The following PTPRD variants were observed in gnomAD, a reference collection of about 807,000 sequenced individuals.
The protein encoded by PTPRD is receptor-type tyrosine-protein phosphatase delta.
A neutral mutation model predicts 214.5 loss-of-function variants in PTPRD; 34 were observed. That is an observed-to-expected ratio of 0.16 (90% confidence interval 0.12 to 0.21). The LOEUF (loss-of-function observed/expected upper bound fraction) is 0.21, where lower values mean the gene tolerates loss of function less well. PTPRD is among the 10% of genes least tolerant of loss of function. The probability of loss-of-function intolerance (pLI) is 1.00; values close to 1 mark genes in which losing one functional copy is unlikely to be tolerated. For synonymous variants in PTPRD, 1,128 were observed against 845.7 expected, an observed-to-expected ratio of 1.33 and a Z score of -5.79; for missense variants, 2,545 against 2,398.7, an observed-to-expected ratio of 1.06 and a Z score of -1.27.
chr9:8,580,186 A>C (rs2092922838), intron 14 of PTPRD, among the ~76,000 whole-genome samples: 1 of 152,256 alleles, frequency 6.6e-6, no homozygotes, highest in Non-Finnish European at 1.5e-5. Flanking sequence ...GACATGTGAA[A>C]AAAGACTAGT....
chr9:9,954,841 T>C (rs1159746076), intron 4 of PTPRD, among the ~76,000 whole-genome samples: 1 of 152,136 alleles, frequency 6.6e-6, no homozygotes, highest in Non-Finnish European at 1.5e-5. Context: ...AATGGCTATA[T>C]TGATTAGCTA....
chr9:9,655,679 A>G (rs915771342), intron 7 of PTPRD, among the ~76,000 whole-genome samples: 1 of 152,072 alleles, frequency 6.6e-6, no homozygotes, highest in African/African-American at 2.4e-5. Context: ...ACATCTCACC[A>G]TAAAATAAAT....
At chr9:9,895,930 A>C (rs2074840696) in intron 5 of PTPRD, among the ~76,000 whole-genome samples, 1 of 151,916 alleles carries the variant, frequency 6.6e-6, no homozygotes, top group African/African-American at 2.4e-5. Flanking sequence ...GTCTTTCTTG[A>C]GGTTATATGG....
At chr9:10,196,359 T>C (rs1361038127) in intron 3 of PTPRD, among the ~76,000 whole-genome samples, 1 of 152,096 alleles carries the variant, frequency 6.6e-6, no homozygotes, top group Non-Finnish European at 1.5e-5. Context: ...TGTCAATATA[T>C]GTAAAGTGCT....
At chr9:10,596,788 G>C (rs1352402975) in intron 2 of PTPRD, among the ~76,000 whole-genome samples, 2 of 151,434 alleles carry the variant, frequency 1.3e-5, no homozygotes, top group Non-Finnish European at 3.0e-5. Flanking sequence ...TAAATTCTAA[G>C]GTACTAGCTT....
At chr9:10,188,963 C>T (rs980894538) in intron 3 of PTPRD, among the ~76,000 whole-genome samples, 1 of 152,126 alleles carries the variant, frequency 6.6e-6, no homozygotes, top group East Asian at 1.9e-4. Context: ...CATTTGAAGG[C>T]TCAACTGTGG....
intron 9 of PTPRD, among the ~76,000 whole-genome samples, chr9:9,329,796 T>G (rs1313681866): frequency 6.6e-6 from 1 of 152,236 alleles, no homozygotes; most frequent in East Asian, 1.9e-4. Context: ...AAACTTGCAT[T>G]AATGCAAATG....
In PTPRD at chr9:9,127,272, G is replaced by A. The variant is rs754268383; in HGVS notation, c.-143+56032C>T. Among the ~76,000 whole-genome samples, 50 of 152,262 alleles carry A rather than the reference G, an allele frequency of 3.3e-4. 1 individual carries two copies. Among genetic ancestry groups the A allele is most frequent in the Non-Finnish European group, 7.2e-4 (49 of 68,012 alleles). On this transcript the variant is annotated intron_variant, in intron 10 of 45. Transcript: ENST00000381196. Reference sequence around the variant, plus strand: ...TCCACATAGACAGTGACCCAGCTGGGAATTGATTGCTTTTCTCATCAATGT... The same window carrying A: ...TCCACATAGACAGTGACCCAGCTGGAAATTGATTGCTTTTCTCATCAATGT...
chr9:10,543,571 T>C (rs1452623292), intron 2 of PTPRD, among the ~76,000 whole-genome samples: 1 of 152,082 alleles, frequency 6.6e-6, no homozygotes, highest in Non-Finnish European at 1.5e-5. Context: ...TGACCACAGA[T>C]GTGTTCCTGA....
intron 38 of PTPRD, 79 bp downstream of exon 38, chr9:8,376,528 A>G: frequency 6.3e-7 from 1 of 1,584,082 alleles, no homozygotes; most frequent in Non-Finnish European, 8.6e-7. Context: ...GTAAAGCCTT[A>G]AGAGATTTCA....
chr9:9,263,863 T>C (rs2099981229), intron 9 of PTPRD, among the ~76,000 whole-genome samples: 1 of 151,610 alleles, frequency 6.6e-6, no homozygotes, highest in Non-Finnish European at 1.5e-5. Context: ...ATGCTCAGTG[T>C]CTGGGTGCAA....
At chr9:10,126,945 A>C (rs1591820139) in intron 3 of PTPRD, among the ~76,000 whole-genome samples, 4 of 104,846 alleles carry the variant, frequency 3.8e-5, no homozygotes, top group Non-Finnish European at 6.0e-5. Context: ...TCTCAAATGG[A>C]CTTTTTTTTT....
At chr9:9,658,233 A>T (rs573772959) in intron 7 of PTPRD, among the ~76,000 whole-genome samples, 1 of 152,278 alleles carries the variant, frequency 6.6e-6, no homozygotes, top group South Asian at 2.1e-4. Flanking sequence ...AAAATCATTC[A>T]TTATCCAATT....
chr9:9,622,896 G>T (rs1219038903), intron 7 of PTPRD, among the ~76,000 whole-genome samples: 1 of 152,138 alleles, frequency 6.6e-6, no homozygotes, highest in Non-Finnish European at 1.5e-5. Context: ...CAGGTAGAAT[G>T]CCATGAGTAT....
chr9:8,645,196 C>G (rs2096661452), intron 12 of PTPRD, among the ~76,000 whole-genome samples: 1 of 152,218 alleles, frequency 6.6e-6, no homozygotes, highest in African/African-American at 2.4e-5. Context: ...TGAGAAACTT[C>G]ACCCAGAATA....
chr9:10,278,720 A>G (rs1044403844), intron 3 of PTPRD, among the ~76,000 whole-genome samples: 6 of 152,162 alleles, frequency 3.9e-5, no homozygotes, highest in Non-Finnish European at 8.8e-5. Flanking sequence ...GTAAGTTTGA[A>G]TATATATAAA....
At chr9:10,104,239 G>T (rs960514174) in intron 3 of PTPRD, among the ~76,000 whole-genome samples, 5 of 151,734 alleles carry the variant, frequency 3.3e-5, no homozygotes, top group African/African-American at 1.2e-4. Flanking sequence ...TCTGGAGATG[G>T]ATGGTGGTGA....
At chr9:8,709,954 CTTA>C (rs1434000870) in intron 12 of PTPRD, among the ~76,000 whole-genome samples, 1 of 152,140 alleles carries the variant, frequency 6.6e-6, no homozygotes, top group Non-Finnish European at 1.5e-5. Flanking sequence ...TGAATCACAG[CTTA>C]TTATTTATTA....
intron 9 of PTPRD, among the ~76,000 whole-genome samples, chr9:9,309,423 A>G (rs1958190571): frequency 6.6e-6 from 1 of 152,202 alleles, no homozygotes; most frequent in South Asian, 2.1e-4. Flanking sequence ...AAACTATTTC[A>G]GCTGCTAGAA....
Sources: allele counts gnomAD v4.1 joint callset (sites outside exome capture counted in the v4.1 genomes callset), GRCh38; gene constraint gnomAD v4.1.1; transcripts MANE v1.5; gene names NCBI Gene and HGNC (gene_info 2026-07-23, HGNC 2026-07-21).